LINGO2: variants seen among roughly 807,000 people sequenced by gnomAD.
The protein encoded by LINGO2 is leucine-rich repeat and immunoglobulin-like domain-containing nogo receptor-interacting protein 2.
LINGO2 carries 14 observed loss-of-function variants against 30.6 expected under a neutral mutation model. The observed-to-expected ratio is 0.46, with a 90% confidence interval of 0.30 to 0.72. LINGO2 has a LOEUF of 0.72. Among genes scored for constraint, LINGO2 ranks in the 30% least tolerant of loss-of-function variants. The pLI is 0.07. For synonymous variants in LINGO2, 317 were observed against 288.5 expected (o/e 1.10, Z -1.00); for missense variants, 729 against 751.7 (o/e 0.97, Z 0.35).
intron 2 of LINGO2, among the ~76,000 whole-genome samples, chr9:28,378,481 T>C (rs1821216366): frequency 6.6e-6 from 1 of 152,106 alleles, no homozygotes; most frequent in South Asian, 2.1e-4. Context: ...ATGCAGCTAA[T>C]GGGGGACTTT....
chr9:28,609,280 C>T (rs1024012722), intron 1 of LINGO2, among the ~76,000 whole-genome samples: 18 of 150,012 alleles, frequency 1.2e-4, no homozygotes, highest in African/African-American at 3.9e-4. Context: ...TATAAAATAT[C>T]GAAACAGTTC....
chr9:28,537,076 A>T (rs756758415), intron 1 of LINGO2, among the ~76,000 whole-genome samples: 30 of 152,158 alleles, frequency 2.0e-4, no homozygotes, highest in Non-Finnish European at 3.1e-4. Flanking sequence ...AAGTTTAAAC[A>T]GGAAACTGAC....
At chr9:28,117,761 G>A (rs1826969007) in intron 4 of LINGO2, among the ~76,000 whole-genome samples, 1 of 148,736 alleles carries the variant, frequency 6.7e-6, no homozygotes, top group African/African-American at 2.5e-5. Context: ...GCCTTGCCCT[G>A]CTTCGGCTCG....
the LINGO2 span, among the ~76,000 whole-genome samples, chr9:28,812,527 T>G: frequency 2.6e-5 from 4 of 152,152 alleles, no homozygotes; most frequent in Non-Finnish European, 5.9e-5. Context: ...AATGGTCCAG[T>G]TGTATACCCA....
the LINGO2 span, among the ~76,000 whole-genome samples, chr9:28,931,040 A>G: frequency 6.6e-6 from 1 of 152,218 alleles, no homozygotes; most frequent in African/African-American, 2.4e-5. Flanking sequence ...TGTGGAGGAA[A>G]AAACCTCCTG....
At chr9:28,202,073 C>T (rs1245475518) in intron 4 of LINGO2, among the ~76,000 whole-genome samples, 3 of 152,008 alleles carry the variant, frequency 2.0e-5, no homozygotes, top group Non-Finnish European at 2.9e-5. Context: ...TTCATCTTCA[C>T]GTGGCATTTT....
chr9:28,162,612 GTAA>G (rs1296235697), intron 4 of LINGO2, among the ~76,000 whole-genome samples: 2 of 152,098 alleles, frequency 1.3e-5, no homozygotes, highest in Non-Finnish European at 2.9e-5. Context: ...AATATAAAAG[GTAA>G]TAATTTACTT....
chr9:28,370,242 C>A (rs1215439092), intron 3 of LINGO2, among the ~76,000 whole-genome samples: 1 of 152,190 alleles, frequency 6.6e-6, no homozygotes, highest in African/African-American at 2.4e-5. Flanking sequence ...CTATTCTCTT[C>A]AGTCGCTCTA....
At chr9:28,159,626 T>A (rs1224202464) in intron 4 of LINGO2, among the ~76,000 whole-genome samples, 1 of 26,402 alleles carries the variant, frequency 3.8e-5, no homozygotes, top group African/African-American at 1.3e-4. Flanking sequence ...AATTTCATAC[T>A]GAATAGTTAT....
the LINGO2 span, among the ~76,000 whole-genome samples, chr9:28,779,664 A>G: frequency 1.4e-4 from 22 of 152,174 alleles, no homozygotes; most frequent in Non-Finnish European, 2.5e-4. Context: ...GAATCTTACA[A>G]CACATTTCAG....
At chr9:28,639,411 A>G (rs982780349) in intron 1 of LINGO2, among the ~76,000 whole-genome samples, 1 of 152,026 alleles carries the variant, frequency 6.6e-6, no homozygotes, top group Non-Finnish European at 1.5e-5. Flanking sequence ...TCTAATGTTG[A>G]CAGTGGGGTG....
chr9:27,965,385 A>G (rs1197966023), intron 5 of LINGO2, among the ~76,000 whole-genome samples: 1 of 151,722 alleles, frequency 6.6e-6, no homozygotes, highest in African/African-American at 2.4e-5. Context: ...CTATTTTAAA[A>G]AGCAGATTTT....
the LINGO2 span, among the ~76,000 whole-genome samples, chr9:29,042,182 C>T: frequency 3.8e-3 from 573 of 152,062 alleles, 5 homozygotes; most frequent in African/African-American, 0.013. Context: ...TATTGGATCA[C>T]TCATGCACTG....
chr9:29,062,659 T>A, the LINGO2 span, among the ~76,000 whole-genome samples: 3 of 152,014 alleles, frequency 2.0e-5, no homozygotes, highest in African/African-American at 7.2e-5. Flanking sequence ...AAAAGTAGAA[T>A]GGTAATTGCA....
the LINGO2 span, among the ~76,000 whole-genome samples, chr9:28,897,805 T>A: frequency 2.0e-5 from 3 of 152,158 alleles, no homozygotes; most frequent in African/African-American, 7.2e-5. Context: ...ATTTCCCACT[T>A]ATGAAATTTT....
chr9:28,942,248 T>A, the LINGO2 span, among the ~76,000 whole-genome samples: 1 of 152,192 alleles, frequency 6.6e-6, no homozygotes, highest in African/African-American at 2.4e-5. Flanking sequence ...GGAAGTTGTT[T>A]CCTTGAAAAC....
At chr9:28,760,373 C>T in the LINGO2 span, among the ~76,000 whole-genome samples, 2 of 151,930 alleles carry the variant, frequency 1.3e-5, no homozygotes, top group South Asian at 2.1e-4. Flanking sequence ...CAGATATCAG[C>T]CATCACTAAG....
At chr9:28,487,100 A>G (rs1030298882) in intron 1 of LINGO2, among the ~76,000 whole-genome samples, 3 of 152,124 alleles carry the variant, frequency 2.0e-5, no homozygotes, top group African/African-American at 7.2e-5. Flanking sequence ...GAAAGCCCAT[A>G]TAAAGTTACA....
intron 5 of LINGO2, among the ~76,000 whole-genome samples, chr9:27,975,007 TGCCAGAG>T (rs1468703411): frequency 6.6e-6 from 1 of 152,146 alleles, no homozygotes; most frequent in East Asian, 1.9e-4. Context: ...TTCATTCTGT[TGCCAGAG>T]GAGTTATTAG....
Sources: gnomAD v4.1 joint callset for allele counts (sites outside exome capture counted in the v4.1 genomes callset) on GRCh38, gnomAD v4.1.1 for gene constraint, MANE v1.5 for transcripts, NCBI Gene and HGNC (gene_info 2026-07-23, HGNC 2026-07-21) for gene names.